The following ATP8B4 variants were observed in gnomAD, a reference collection of about 807,000 sequenced individuals.
The protein encoded by ATP8B4 is probable phospholipid-transporting ATPase IM.
Under a neutral mutation model 145.6 loss-of-function variants are expected in ATP8B4, and 133 were observed. The observed-to-expected ratio is 0.91, with a 90% CI of 0.79 to 1.05. The LOEUF is 1.05. Among genes scored for constraint, ATP8B4 ranks in the 50% least tolerant of loss-of-function variants. The pLI, the probability that ATP8B4 is intolerant of heterozygous loss-of-function variation, is 0.00. For missense variants in ATP8B4, 1,458 were observed against 1,425.2 expected (o/e 1.02, Z -0.37); for synonymous variants, 507 against 492.9 (o/e 1.03, Z -0.38).
chr15:49,946,239 C>T (rs964014783), intron 14 of ATP8B4, among the ~76,000 whole-genome samples: 3 of 152,064 alleles, frequency 2.0e-5, no homozygotes, highest in African/African-American at 4.8e-5. Context: ...ATGAAGAAAA[C>T]GATCTCATCT....
chr15:49,889,983 A>C (rs1025148416), intron 23 of ATP8B4, among the ~76,000 whole-genome samples: 1 of 152,242 alleles, frequency 6.6e-6, no homozygotes, highest in Non-Finnish European at 1.5e-5. Flanking sequence ...TGGCTTATCC[A>C]TAGTAAATTT....
chr15:49,961,979 G>C lies in ATP8B4; in HGVS notation c.1285C>G (p.Gln429Glu), dbSNP rs771002297. 5 of 1,594,338 alleles carry C rather than the reference G, an allele frequency of 3.1e-6. No homozygotes were observed. The African/African-American group carries it at 6.8e-5, about 22-fold the overall frequency. Reference sequence around the variant, plus strand: ...ATAAAATTTTATCACTTCCACACCTGAGTTATTTCTGTCTTCTGATCCAGG... The same window carrying C: ...ATAAAATTTTATCACTTCCACACCTCAGTTATTTCTGTCTTCTGATCCAGG... The part of the protein sequence containing the change: ...DDLDQKTEIT[Q>E]EKEPVDFSVK... The change falls in exon 14 of 28, where the codon CAG becomes GAG. Residue 429 changes from glutamine to glutamate, a missense_variant and splice_region_variant. Gln to Glu is a conservative substitution (Grantham distance 29). Coordinates refer to ENST00000284509, the MANE Select transcript of ATP8B4 (RefSeq NM_024837.4).
At chr15:49,908,129 A>G (rs755573889) in intron 20 of ATP8B4, 10 of 455,896 alleles carry the variant, frequency 2.2e-5, no homozygotes, top group Non-Finnish European at 4.0e-5. Context: ...AAAATGAGGT[A>G]ATACATGTGT....
intron 14 of ATP8B4, among the ~76,000 whole-genome samples, chr15:49,953,133 G>A (rs772750746): frequency 3.9e-5 from 6 of 152,038 alleles, no homozygotes; most frequent in Non-Finnish European, 8.8e-5. Context: ...GATGCCAGTA[G>A]GATCACTCTT....
chr15:50,073,479 C>G (rs2053983390), intron 3 of ATP8B4, among the ~76,000 whole-genome samples: 1 of 152,160 alleles, frequency 6.6e-6, no homozygotes. Flanking sequence ...TTTATCCAGT[C>G]TATGCCCAAA....
intron 12 of ATP8B4, among the ~76,000 whole-genome samples, chr15:49,978,130 A>G (rs1252335842): frequency 6.6e-6 from 1 of 152,254 alleles, no homozygotes; most frequent in Non-Finnish European, 1.5e-5. Flanking sequence ...GAAAGAATGT[A>G]TACATAATAT....
chr15:49,979,717 A>C lies in ATP8B4; in HGVS notation c.934T>G (p.Trp312Gly). Residue 312 changes from tryptophan (W) to glycine (G), a missense_variant, in exon 12 of 28, where the codon TGG becomes GGG. By Grantham distance (184) the Trp-to-Gly change is radical. Coordinates refer to ENST00000284509, the MANE Select transcript of ATP8B4 (RefSeq NM_024837.4). The stretch of plus-strand genomic sequence containing the variant: ...ACAGAGCTCTTCTCTCCTTCATTCC[A>C]AAAGAGGAAAGTTCTGAATTGGTCC... Reference protein sequence around the residue: ...TGDQFRTFLFWNEGEKSSVFS... With the variant: ...TGDQFRTFLFGNEGEKSSVFS... 1 of 1,610,284 alleles carries C rather than the reference A, an allele frequency of 6.2e-7. No homozygotes were observed. The highest frequency in any genetic ancestry group is 8.5e-7 in the Non-Finnish European group (1 of 1,176,938).
intron 14 of ATP8B4, among the ~76,000 whole-genome samples, chr15:49,942,780 G>A (rs552478210): frequency 4.6e-5 from 7 of 151,936 alleles, no homozygotes; most frequent in East Asian, 3.9e-4. Flanking sequence ...AGCCGAGATC[G>A]CGCCACTGCA....
intron 1 of ATP8B4, among the ~76,000 whole-genome samples, chr15:50,152,594 A>G (rs1036392882): frequency 2.0e-5 from 3 of 152,216 alleles, no homozygotes; most frequent in Admixed American, 6.5e-5. Flanking sequence ...TTAATTCTAA[A>G]TCAAAAAGAT....
At chr15:50,098,323 A>C (rs951758745) in intron 2 of ATP8B4, among the ~76,000 whole-genome samples, 5 of 110,108 alleles carry the variant, frequency 4.5e-5, no homozygotes, top group Middle Eastern at 0.01. Flanking sequence ...ATAGGGTCTC[A>C]CTCTGTCACA....
intron 3 of ATP8B4, among the ~76,000 whole-genome samples, chr15:50,066,668 G>C (rs2053403536): frequency 6.6e-6 from 1 of 152,120 alleles, no homozygotes; most frequent in Admixed American, 6.6e-5. Context: ...TATGTGAAAA[G>C]ATTGATTTAA....
At chr15:49,914,591 A>G (rs1042044884) in intron 20 of ATP8B4, among the ~76,000 whole-genome samples, 1 of 152,184 alleles carries the variant, frequency 6.6e-6, no homozygotes, top group African/African-American at 2.4e-5. Flanking sequence ...ACAAGGGAGT[A>G]ATATCTGGAA....
intron 3 of ATP8B4, among the ~76,000 whole-genome samples, chr15:50,052,275 A>G (rs1475140446): frequency 3.9e-5 from 6 of 152,230 alleles, no homozygotes; most frequent in African/African-American, 1.4e-4. Context: ...ACCATGAATG[A>G]CTACAAACAT....
chr15:49,965,017 T>C (rs1443374222), intron 13 of ATP8B4, among the ~76,000 whole-genome samples: 1 of 152,204 alleles, frequency 6.6e-6, no homozygotes, highest in Admixed American at 6.5e-5. Flanking sequence ...TAATGTCCAA[T>C]GGGAACTTTT....
At chr15:49,958,990 T>C (rs2043829975) in intron 14 of ATP8B4, among the ~76,000 whole-genome samples, 1 of 151,982 alleles carries the variant, frequency 6.6e-6, no homozygotes, top group East Asian at 1.9e-4. Flanking sequence ...AAATATAACA[T>C]TGGTAGCAAA....
intron 1 of ATP8B4, among the ~76,000 whole-genome samples, chr15:50,161,489 T>C (rs1478147546): frequency 6.6e-6 from 1 of 152,128 alleles, no homozygotes; most frequent in African/African-American, 2.4e-5. Context: ...TCTCTAACTG[T>C]ATATTTTATC....
chr15:50,113,361 T>C (rs1420797544), intron 1 of ATP8B4: 2 of 152,204 alleles, frequency 1.3e-5, no homozygotes, highest in Non-Finnish European at 2.9e-5. Context: ...CTGTCCTGCA[T>C]GTGTGCAGTT....
intron 3 of ATP8B4, among the ~76,000 whole-genome samples, chr15:50,068,099 G>A (rs1432057996): frequency 2.0e-5 from 3 of 152,006 alleles, no homozygotes; most frequent in Non-Finnish European, 2.9e-5. Context: ...TGACCATCTC[G>A]GCTCACACAC....
chr15:49,980,496 A>G (rs1402195589), intron 11 of ATP8B4, among the ~76,000 whole-genome samples: 4 of 152,226 alleles, frequency 2.6e-5, no homozygotes, highest in African/African-American at 9.6e-5. Context: ...ATTAACTGAC[A>G]AAAGGATGGA....
Sources: gnomAD v4.1 joint callset for allele counts (sites outside exome capture counted in the v4.1 genomes callset) on GRCh38, gnomAD v4.1.1 for gene constraint, MANE v1.5 for transcripts, NCBI Gene and HGNC (gene_info 2026-07-23, HGNC 2026-07-21) for gene names.